PRPF38A: variants seen among roughly 807,000 people sequenced by gnomAD.
The protein encoded by PRPF38A is pre-mRNA-splicing factor 38A.
A neutral mutation model predicts 46.8 loss-of-function variants in PRPF38A; 11 were observed. The ratio of observed to expected loss-of-function variants is 0.24; its 90% confidence interval spans 0.15 to 0.39. The LOEUF (loss-of-function observed/expected upper bound fraction) is 0.39, where lower values mean the gene tolerates loss of function less well. Ranked by LOEUF, PRPF38A falls within the 10% of genes least tolerant of loss-of-function variation. PRPF38A has a pLI of 1.00. For synonymous variants in PRPF38A, 124 were observed against 136.2 expected (o/e 0.91, Z 0.62); for missense variants, 261 against 407.5 (o/e 0.64, Z 3.10).
At position 52,407,915 on chromosome 1, in the gene PRPF38A, G is replaced by A. The variant is rs1006400282; in HGVS notation, c.291-654G>A. Among the ~76,000 whole-genome samples the A allele has an allele frequency of 9.2e-5, 14 of 152,274 alleles. 1 individual carries two copies. Among genetic ancestry groups the A allele is most frequent in the African/African-American group, 3.1e-4 (13 of 41,474 alleles). ...ACTAAAAATACAAAAATTAGGCTGG[G>A]TGTGTTGGCACATGCCTATAATCCC... On this transcript the variant is annotated intron_variant, in intron 2 of 9. Transcript: ENST00000257181.
chr1:52,410,992 T>C (rs770882937), intron 3 of PRPF38A, 123 bp from the exon 4 acceptor site: 48 of 646,866 alleles, frequency 7.4e-5, no homozygotes, highest in Non-Finnish European at 1.2e-4. Context: ...ATTCATCCCT[T>C]AATCTCTTCT....
At chr1:52,412,445 C>T in intron 4 of PRPF38A, 69 bp from the exon 5 acceptor site, 1 of 1,052,768 alleles carries the variant, frequency 9.5e-7, no homozygotes, top group South Asian at 1.4e-5. Context: ...AACCCTGAAG[C>T]CCAGTGTTGA....
chr1:52,414,979 T>C (rs1178045357), intron 8 of PRPF38A, 120 bp downstream of exon 8: 3 of 863,034 alleles, frequency 3.5e-6, no homozygotes, highest in East Asian at 2.6e-5. Context: ...CAAATGGACA[T>C]AGAATTTGAA....
chr1:52,416,895 CCTTGACTGTATTCAAA>C lies in PRPF38A; in HGVS notation c.*209_*224del. On this transcript the variant is annotated 3_prime_UTR_variant, in exon 10 of 10. Transcript: ENST00000257181. ...CAACATCAGTTTTTGACCCAACTAA[CCTTGACTGTATTCAAA>C]CTTATGAGAGTATAAAGGATCTGGA... The C allele has an allele frequency of 1.7e-6, 1 of 576,006 alleles. No individual in the cohort carries two copies. The highest frequency in any genetic ancestry group is 2.9e-5 in the Admixed American group (1 of 34,028). 35.7% of individuals were successfully genotyped at this position (576,006 alleles called of 1,614,324 possible). A position where few individuals can be genotyped will look rare whatever the true frequency, so the allele number is the denominator to read the frequency against.
chr1:52,412,490 T>C (rs778052430), intron 4 of PRPF38A, 24 bp from the exon 5 acceptor site: 2 of 1,561,412 alleles, frequency 1.3e-6, no homozygotes, highest in East Asian at 4.5e-5. Flanking sequence ...CAACAACCCC[T>C]AACTCTCATC....
intron 4 of PRPF38A, among the ~76,000 whole-genome samples, chr1:52,411,508 A>G (rs1176623345): frequency 6.6e-6 from 1 of 152,258 alleles, no homozygotes; most frequent in Non-Finnish European, 1.5e-5. Flanking sequence ...AAGTCAGCAC[A>G]TTACCTGTCT....
Position 52,404,810 on chromosome 1 carries a change from G to T in PRPF38A, c.61G>T (p.Val21Leu). 1 of 1,614,222 alleles carries T rather than the reference G, an allele frequency of 6.2e-7. No homozygotes were observed. The highest frequency in any genetic ancestry group is 8.5e-7 in the Non-Finnish European group (1 of 1,180,024). Residue 21 changes from valine (V) to leucine (L), a missense_variant, in exon 1 of 10, where the codon GTG (valine) becomes TTG (leucine). Val to Leu is a conservative substitution (Grantham distance 32, BLOSUM62 1). Transcript: ENST00000257181. The part of the protein sequence containing the change: ...SIHGTNPQYL[V>L]EKIIRTRIYE... ...CCATGGCACCAACCCTCAATATCTG[G>T]TGGAGAAGATCATTCGAACGCGAAT...
chr1:52,408,864 G>C, intron 3 of PRPF38A, 174 bp downstream of exon 3: 2 of 687,010 alleles, frequency 2.9e-6, no homozygotes, highest in East Asian at 6.0e-5. Context: ...CTGACTACTA[G>C]CTTCGTGTTG....
rs1272141506 is a variant in PRPF38A, at chr1:52,420,358, G to A, written c.*3668G>A. ...AGAAACTTTAAAAATAATGGGCAAT[G>A]ATTATAAAGTCAAATATTATGAACA... is the stretch of plus-strand genomic sequence containing the variant. On this transcript the variant is annotated 3_prime_UTR_variant, in exon 10 of 10. Transcript: ENST00000257181. 6.6e-6 allele frequency: 1 copy of A among 152,108 alleles called. No individual in the cohort carries two copies. The highest frequency in any genetic ancestry group is 6.6e-5 in the Admixed American group (1 of 15,264). The allele number at this position is 152,108 out of a possible 1,614,324, so 9.4% of individuals were successfully genotyped here. A position where few individuals can be genotyped will look rare whatever the true frequency, so the allele number is the denominator to read the frequency against.
intron 2 of PRPF38A, 35 bp downstream of exon 2, chr1:52,405,874 T>G: frequency 6.3e-7 from 1 of 1,597,930 alleles, no homozygotes; most frequent in Non-Finnish European, 8.6e-7. Flanking sequence ...TATAAGAGGT[T>G]TAATTTTGGC....
At chr1:52,414,239 G>C (rs1260324059) in intron 6 of PRPF38A, among the ~76,000 whole-genome samples, 2 of 152,144 alleles carry the variant, frequency 1.3e-5, no homozygotes, top group Admixed American at 1.3e-4. Context: ...TACCTGTTCT[G>C]TTGTCGGCTG....
Position 52,417,619 on chromosome 1 carries a change from A to G in PRPF38A, c.*929A>G, listed in dbSNP as rs545595806. The G allele has an allele frequency of 7.2e-5, 11 of 152,340 alleles. No homozygotes were observed. The East Asian group carries it at 7.7e-4, about 11-fold the overall frequency. 9.4% of individuals were successfully genotyped at this position (152,340 alleles called of 1,614,324 possible). A position where few individuals can be genotyped will look rare whatever the true frequency, so the allele number is the denominator to read the frequency against. On this transcript the variant is annotated 3_prime_UTR_variant, in exon 10 of 10. Transcript: ENST00000257181. ...AAGTTTAATTTGAGACAGCTATGGT[A>G]TAGCTAAAAACAAAAGCCCATAAAG...
chr1:52,413,206 T>C (rs1032755598), intron 5 of PRPF38A, among the ~76,000 whole-genome samples: 1 of 152,188 alleles, frequency 6.6e-6, no homozygotes, highest in Admixed American at 6.5e-5. Context: ...TAGCAGAGTA[T>C]TGGCACATTA....
Position 52,404,864 on chromosome 1 carries a change from T to A in PRPF38A, c.115T>A (p.Cys39Ser). ...IYESKYWKEE[C>S]FGLTAELVVD... ...TGAGTCCAAGTACTGGAAAGAGGAG[T>A]GCTTTGGACTTACAGGTAAGTGGAA... is the stretch of plus-strand genomic sequence containing the variant. The change falls in exon 1 of 10, where the codon TGC becomes AGC. Residue 39 changes from cysteine (C) to serine (S), a missense_variant. Physicochemically the swap from Cys to Ser is moderately radical, Grantham distance 112. Transcript: ENST00000257181. 6.2e-7 allele frequency: 1 copy of A among 1,614,064 alleles called. No homozygotes were observed. The highest frequency in any genetic ancestry group is 1.1e-5 in the South Asian group (1 of 91,070).
At chr1:52,412,438 C>A in intron 4 of PRPF38A, 76 bp from the exon 5 acceptor site, 1 of 982,350 alleles carries the variant, frequency 1.0e-6, no homozygotes, top group Non-Finnish European at 1.5e-6. Context: ...TCCTTGGAAC[C>A]CTGAAGCCCA....
At chr1:52,413,758 G>A (rs1648213897) in intron 5 of PRPF38A, 121 bp from the exon 6 acceptor site, 2 of 662,672 alleles carry the variant, frequency 3.0e-6, no homozygotes, top group Non-Finnish European at 5.4e-6. Flanking sequence ...TCAGGTTACT[G>A]TGCTTTAAAG....
chr1:52,414,862 A>G lies in PRPF38A; in HGVS notation c.847+3A>G, dbSNP rs1648246429. 1 of 1,613,786 alleles carries G rather than the reference A, an allele frequency of 6.2e-7. No individual in the cohort carries two copies. Among genetic ancestry groups the G allele is most frequent in the African/African-American group, 1.3e-5 (1 of 74,906 alleles). On this transcript the variant is annotated splice_donor_region_variant and intron_variant, in intron 8 of 9. Transcript: ENST00000257181. The stretch of plus-strand genomic sequence containing the variant: ...CAGATCCCGTTCCAAGTCCCCAGGT[A>G]AAGCTTGTGGGCCTTTTGCCACAGG...
chr1:52,415,411 CT>C, intron 9 of PRPF38A, 25 bp downstream of exon 9: 1 of 1,599,278 alleles, frequency 6.3e-7, no homozygotes, highest in Non-Finnish European at 8.6e-7. Context: ...TCTATTTTAA[CT>C]TTACAGAAAT....
intron 5 of PRPF38A, among the ~76,000 whole-genome samples, chr1:52,413,666 C>T (rs922603603): frequency 6.6e-6 from 1 of 152,154 alleles, no homozygotes; most frequent in African/African-American, 2.4e-5. Context: ...TCTGTTCCCT[C>T]TCCTATGAGT....
Sources: allele counts gnomAD v4.1 joint callset (sites outside exome capture counted in the v4.1 genomes callset), GRCh38; gene constraint gnomAD v4.1.1; transcripts MANE v1.5; gene names NCBI Gene and HGNC (gene_info 2026-07-23, HGNC 2026-07-21).